The following SAG variants were observed in gnomAD, a reference collection of about 807,000 sequenced individuals.
SAG encodes S-arrestin.
Under a neutral mutation model 55.0 loss-of-function variants are expected in SAG, and 45 were observed. The observed-to-expected ratio is 0.82, with a 90% CI of 0.64 to 1.05. The LOEUF (loss-of-function observed/expected upper bound fraction) is 1.05, where lower values mean the gene tolerates loss of function less well. Among genes scored for constraint, SAG ranks in the 50% least tolerant of loss-of-function variants. The pLI is 0.00. For synonymous variants in SAG, 189 were observed against 197.4 expected (o/e 0.96, Z 0.36); for missense variants, 455 against 512.1 (o/e 0.89, Z 1.08).
At chr2:233,341,111 G>A (rs1187942568) in intron 13 of SAG, among the ~76,000 whole-genome samples, 3 of 152,084 alleles carry the variant, frequency 2.0e-5, no homozygotes, top group African/African-American at 7.2e-5. Context: ...ACCACACCTG[G>A]CAAATTTTAC....
intron 11 of SAG, among the ~76,000 whole-genome samples, chr2:233,335,683 T>C (rs576293772): frequency 2.5e-4 from 38 of 152,318 alleles, no homozygotes; most frequent in African/African-American, 9.1e-4. Context: ...TAAGTACTGA[T>C]CTGCTGACCC....
chr2:233,346,368 C>G (rs1191376997), intron 14 of SAG, 35 bp from the exon 15 acceptor site: 1 of 1,610,862 alleles, frequency 6.2e-7, no homozygotes, highest in East Asian at 2.2e-5. Flanking sequence ...CTCTCTCTCC[C>G]TCTTCCCTGC....
At position 233,319,093 on chromosome 2, in the gene SAG, T is replaced by G; in HGVS notation, c.181+298T>G. 1.8e-6 allele frequency: 1 copy of G among 571,314 alleles called. No homozygotes were observed. Among genetic ancestry groups the G allele is most frequent in the Non-Finnish European group, 3.4e-6 (1 of 296,062 alleles). The allele number at this position is 571,314 out of a possible 1,614,324, so 35.4% of individuals were successfully genotyped here. A position where few individuals can be genotyped will look rare whatever the true frequency, so the allele number is the denominator to read the frequency against. On this transcript the variant is annotated intron_variant, in intron 4 of 15. Coordinates refer to ENST00000409110, the MANE Select transcript of SAG (RefSeq NM_000541.5). This position sits in a 1 kb window ranked among gnomAD's most constrained non-coding sequence, Gnocchi z 4.4. ...CCATTCCTGTTTGCTCGCCCCTGTTTCATGTACTTCTGTGCTAGGGGCAAA... is the reference window on the plus strand; with the variant it reads ...CCATTCCTGTTTGCTCGCCCCTGTTGCATGTACTTCTGTGCTAGGGGCAAA...
rs1416227964 is a variant in SAG, at chr2:233,319,950, T to A, written c.182-680T>A. 2 of 985,448 alleles carry A rather than the reference T, an allele frequency of 2.0e-6. No individual in the cohort carries two copies. The highest frequency in any genetic ancestry group is 2.4e-6 in the Non-Finnish European group (2 of 829,972). 61.0% of individuals were successfully genotyped at this position (985,448 alleles called of 1,614,324 possible). A position where few individuals can be genotyped will look rare whatever the true frequency, so the allele number is the denominator to read the frequency against. On this transcript the variant is annotated intron_variant, in intron 4 of 15. Coordinates refer to ENST00000409110, the MANE Select transcript of SAG (RefSeq NM_000541.5). This position sits in a 1 kb window ranked among gnomAD's most constrained non-coding sequence, Gnocchi z 4.4. ...TCTCGTGCTTTATATTTGAGAAATA[T>A]GTGCTTCGTGTCTTTTTTAGAAGGT...
At chr2:233,321,520 C>G (rs145449958) in intron 5 of SAG, among the ~76,000 whole-genome samples, 1 of 152,302 alleles carries the variant, frequency 6.6e-6, no homozygotes, top group East Asian at 1.9e-4. Context: ...AAGACAAATA[C>G]TCTATGGTTT....
Position 233,322,961 on chromosome 2 carries a change from C to A in SAG, c.391C>A (p.Pro131Thr), listed in dbSNP as rs780678704. The change falls in exon 6 of 16, where the codon CCC becomes ACC. Residue 131 changes from proline to threonine, a missense_variant. Transcript: ENST00000409110. The stretch of plus-strand genomic sequence containing the variant: ...CTTTCCACAGTTTCCTGACTACTTG[C>A]CCTGTTCAGTGATGTTGCAGCCAGC... ...PFLLTFPDYL[P>T]CSVMLQPAPQ... The A allele has an allele frequency of 1.3e-6, 2 of 1,572,248 alleles. No individual in the cohort carries two copies. Among genetic ancestry groups the A allele is most frequent in the Admixed American group, 1.8e-5 (1 of 55,148 alleles).
At chr2:233,314,091 G>T (rs1010557630) in intron 2 of SAG, among the ~76,000 whole-genome samples, 5 of 151,876 alleles carry the variant, frequency 3.3e-5, no homozygotes, top group African/African-American at 1.2e-4. Context: ...GCATGGTGGC[G>T]TGCATCTGTA....
At chr2:233,329,205 T>C (rs1018455734) in intron 8 of SAG, 21 of 401,078 alleles carry the variant, frequency 5.2e-5, no homozygotes, top group South Asian at 4.9e-4. Context: ...CACTTGGCTT[T>C]CCCAGTGGTT....
chr2:233,339,142 T>G (rs1701024383), intron 12 of SAG, among the ~76,000 whole-genome samples: 2 of 152,192 alleles, frequency 1.3e-5, no homozygotes, highest in South Asian at 4.1e-4. Context: ...AAGGTATCCA[T>G]CCATAAAGTG....
At chr2:233,331,441 A>G (rs950190389) in intron 9 of SAG, 199 bp from the exon 10 acceptor site, 6 of 637,600 alleles carry the variant, frequency 9.4e-6, no homozygotes, top group South Asian at 3.5e-5. Context: ...AGAGCAGGTT[A>G]TGGGTGACCA....
intron 2 of SAG, among the ~76,000 whole-genome samples, chr2:233,314,792 G>A (rs775486171): frequency 2.6e-5 from 4 of 152,108 alleles, no homozygotes; most frequent in Admixed American, 2.6e-4. Context: ...GCTACGCTTC[G>A]GGACATCTGA....
At chr2:233,308,394 G>A (rs116394447) in intron 1 of SAG, among the ~76,000 whole-genome samples, 2,053 of 152,174 alleles carry the variant, frequency 0.013, 47 homozygotes, top group African/African-American at 0.048. Context: ...ACGAGCCCAG[G>A]AGTTCGAGGC....
intron 11 of SAG, among the ~76,000 whole-genome samples, chr2:233,336,292 A>G (rs1462519332): frequency 6.6e-6 from 1 of 152,166 alleles, no homozygotes; most frequent in Non-Finnish European, 1.5e-5. Flanking sequence ...AGGCGGGTGG[A>G]TCACCTAAGG....
At chr2:233,338,506 A>T in intron 11 of SAG, 170 bp from the exon 12 acceptor site, 1 of 637,814 alleles carries the variant, frequency 1.6e-6, no homozygotes, top group African/African-American at 1.8e-5. Context: ...AGGAGTCCCC[A>T]TACCCACTCC....
At position 233,338,765 on chromosome 2, in the gene SAG, G is replaced by A. The variant is rs368486361; in HGVS notation, c.1022+12G>A. On this transcript the variant is annotated intron_variant, in intron 12 of 15. Coordinates refer to ENST00000409110, the MANE Select transcript of SAG (RefSeq NM_000541.5). ...CTCACAGTGTCAGGGTAAGTGTCCC[G>A]GCACCAACCCTCGGGCTGCTCTGTC... is the stretch of plus-strand genomic sequence containing the variant. 40 of 1,611,220 alleles carry A rather than the reference G, an allele frequency of 2.5e-5. 2 individuals carry two copies. In the Admixed American group the frequency reaches 3.5e-4, roughly 14 times the overall value.
rs150720898 is a variant in SAG at position 233,343,903 on chromosome 2, T to C, written c.1102+1577T>C. ...CCCACTATTCATTTTAGGTTTTGTC[T>C]CAACAGTACTTTGTTTCAAAATAGC... On this transcript the variant is annotated intron_variant, in intron 14 of 15. Coordinates refer to ENST00000409110, the MANE Select transcript of SAG (RefSeq NM_000541.5). 8.5e-4 allele frequency: 257 copies of C among 303,866 alleles called. 1 individual carries two copies. The highest frequency in any genetic ancestry group is 5.4e-3 in the African/African-American group (241 of 44,228). The allele number at this position is 303,866 out of a possible 1,614,324, so 18.8% of individuals were successfully genotyped here. A position where few individuals can be genotyped will look rare whatever the true frequency, so the allele number is the denominator to read the frequency against.
At position 233,327,218 on chromosome 2, in the gene SAG, T is replaced by C. The variant is rs769426330; in HGVS notation, c.512+21T>C. ...AAGAAGTAAGAGTATGGTTGCGGAA[T>C]AGGTGAGGGGTCTGCGGTGGGGGTG... On this transcript the variant is annotated intron_variant, in intron 7 of 15. Transcript: ENST00000409110. 6 of 1,600,562 alleles carry C rather than the reference T, an allele frequency of 3.7e-6. No individual in the cohort carries two copies. In the East Asian group the frequency reaches 8.9e-5, roughly 24 times the overall value.
intron 1 of SAG, 86 bp from the exon 2 acceptor site, chr2:233,309,076 G>A: frequency 8.0e-6 from 6 of 752,272 alleles, no homozygotes; most frequent in Non-Finnish European, 1.3e-5. Context: ...CTCGTGAGTA[G>A]GTTTCATAAC....
At chr2:233,332,040 A>G (rs1044173096) in intron 10 of SAG, 6 of 333,540 alleles carry the variant, frequency 1.8e-5, no homozygotes. Context: ...GGAATTTGGT[A>G]CTATTTCCAC....
Sources: allele counts gnomAD v4.1 joint callset (sites outside exome capture counted in the v4.1 genomes callset), GRCh38; gene constraint gnomAD v4.1.1; non-coding constraint Gnocchi (gnomAD v3.1); transcripts MANE v1.5; gene names NCBI Gene and HGNC (gene_info 2026-07-23, HGNC 2026-07-21).